Variants in TAOK1 observed in about 807,000 individuals in gnomAD.
The protein encoded by TAOK1 is TAO kinase 1.
Under a neutral mutation model 138.3 loss-of-function variants are expected in TAOK1, and 21 were observed. That is an observed-to-expected ratio of 0.15 (90% CI 0.11 to 0.22). The LOEUF is 0.22. Ranked by LOEUF, TAOK1 falls within the 10% of genes least tolerant of loss-of-function variation. TAOK1 has a pLI of 1.00. For synonymous variants in TAOK1, 361 were observed against 398.4 expected, an observed-to-expected ratio of 0.91 and a Z score of 1.12; for missense variants, 651 against 1,227.7, an observed-to-expected ratio of 0.53 and a Z score of 7.02.
intron 18 of TAOK1, among the ~76,000 whole-genome samples, chr17:29,532,062 G>A (rs1375117340): frequency 6.6e-6 from 1 of 151,922 alleles, no homozygotes; most frequent in Non-Finnish European, 1.5e-5. Flanking sequence ...GGGTTTCACC[G>A]TGTTAGCCAG....
intron 12 of TAOK1, among the ~76,000 whole-genome samples, chr17:29,498,868 G>A (rs2031461740): frequency 6.6e-6 from 1 of 151,976 alleles, no homozygotes; most frequent in Non-Finnish European, 1.5e-5. Flanking sequence ...GGAGGTTGCA[G>A]TGAGCCAAGA....
chr17:29,435,996 G>A (rs1160580180), intron 1 of TAOK1, among the ~76,000 whole-genome samples: 2 of 152,172 alleles, frequency 1.3e-5, no homozygotes, highest in East Asian at 3.8e-4. Context: ...TGGGCGTGGT[G>A]GCTGGTGCCT....
chr17:29,453,158 CTTTT>C (rs1273106911), intron 2 of TAOK1, among the ~76,000 whole-genome samples: 2 of 133,284 alleles, frequency 1.5e-5, no homozygotes, highest in Admixed American at 7.9e-5. Context: ...TTCTGGCTTA[CTTTT>C]TTTTTTTTTT....
intron 12 of TAOK1, among the ~76,000 whole-genome samples, chr17:29,500,755 C>A (rs918640829): frequency 1.1e-4 from 17 of 149,216 alleles, no homozygotes; most frequent in Non-Finnish European, 2.5e-4. Context: ...AAAAAAAAAA[C>A]TGTGGTTTTT....
intron 1 of TAOK1, among the ~76,000 whole-genome samples, chr17:29,409,333 A>AT (rs869195465): frequency 0.04 from 2,372 of 59,046 alleles, 91 homozygotes; most frequent in Non-Finnish European, 0.051. Context: ...ATATATATAT[A>AT]TTTTTTTTTT....
chr17:29,527,905 A>C (rs2032038523), intron 17 of TAOK1, among the ~76,000 whole-genome samples: 1 of 152,202 alleles, frequency 6.6e-6, no homozygotes, highest in African/African-American at 2.4e-5. Flanking sequence ...TTCTGTCTCT[A>C]AACTTAAATA....
intron 18 of TAOK1, among the ~76,000 whole-genome samples, chr17:29,532,456 C>G (rs966083002): frequency 2.7e-5 from 4 of 150,424 alleles, no homozygotes; most frequent in African/African-American, 9.8e-5. Context: ...AACAAGTGAA[C>G]AAAGGTCTCT....
chr17:29,482,163 A>G (rs773743631), intron 7 of TAOK1, 34 bp from the exon 8 acceptor site: 3 of 1,519,526 alleles, frequency 2.0e-6, no homozygotes, highest in East Asian at 2.3e-5. Context: ...CTTTTTAAAA[A>G]AAATCTTTAA....
chr17:29,473,113 G>A lies in TAOK1; in HGVS notation c.205-2557G>A, dbSNP rs756685833. 2.0e-5 allele frequency among the ~76,000 whole-genome samples: 3 copies of A among 152,186 alleles called. No individual in the cohort carries two copies. In the South Asian group the frequency reaches 6.2e-4, roughly 31 times the overall value. On this transcript the variant is annotated intron_variant, in intron 3 of 19. Coordinates refer to ENST00000261716, the MANE Select transcript of TAOK1 (RefSeq NM_020791.4). ...TTCACTAAACCATGCTTAAATGGATGTACTGTCATCCAGGCTTTGTTGTTT... is the reference window on the plus strand; with the variant it reads ...TTCACTAAACCATGCTTAAATGGATATACTGTCATCCAGGCTTTGTTGTTT...
rs774133125 is a variant in TAOK1, at chr17:29,502,676, C to T, written c.1291C>T (p.His431Tyr). The T allele has an allele frequency of 1.2e-6, 2 of 1,613,864 alleles. No homozygotes were observed. The highest frequency in any genetic ancestry group is 1.7e-6 in the Non-Finnish European group (2 of 1,179,958). Residue 431 changes from histidine (H) to tyrosine (Y), a missense_variant, in exon 13 of 20, where the codon CAC (histidine) becomes TAC (tyrosine). His to Tyr is a moderately conservative substitution (Grantham distance 83). Coordinates refer to ENST00000261716, the MANE Select transcript of TAOK1 (RefSeq NM_020791.4). Reference protein sequence around the residue: ...SPPQVSRHKSHYRNREHFATI... With the variant: ...SPPQVSRHKSYYRNREHFATI... ...ACCCCAAGTATCTCGTCACAAATCA[C>T]ACTATCGTAATCGAGAACACTTTGC...
intron 17 of TAOK1, among the ~76,000 whole-genome samples, chr17:29,528,171 T>A (rs1454003173): frequency 6.6e-6 from 1 of 152,130 alleles, no homozygotes; most frequent in African/African-American, 2.4e-5. Flanking sequence ...TGCCTCAGCC[T>A]CTTGAGTAGC....
In TAOK1 at chr17:29,545,099, A is replaced by G. The variant is rs2032380458; in HGVS notation, c.*2077A>G. On this transcript the variant is annotated 3_prime_UTR_variant, in exon 20 of 20. Coordinates refer to ENST00000261716, the MANE Select transcript of TAOK1 (RefSeq NM_020791.4). Reference sequence around the variant, plus strand: ...CACACAAAATTTTAGGCAGTGTTTCAAGAAGCACTCTTATGTGTTGTTCTT... The same window carrying G: ...CACACAAAATTTTAGGCAGTGTTTCGAGAAGCACTCTTATGTGTTGTTCTT... The G allele has an allele frequency of 1.3e-5, 2 of 152,208 alleles. No individual in the cohort carries two copies. The highest frequency in any genetic ancestry group is 4.8e-5 in the African/African-American group (2 of 41,460). 9.4% of individuals were successfully genotyped at this position (152,208 alleles called of 1,614,324 possible).
intron 1 of TAOK1, among the ~76,000 whole-genome samples, chr17:29,439,271 G>A (rs1266042825): frequency 6.8e-6 from 1 of 147,116 alleles, no homozygotes; most frequent in Non-Finnish European, 1.5e-5. Flanking sequence ...GGGGTGATCT[G>A]GGCTCACTGC....
rs1241513615 is a variant in TAOK1, at chr17:29,505,702, C to T, written c.1339-2194C>T. ...GGGGGACAAGAGCAAGACTTCGTCT[C>T]AAAAAATAAAAAAAAGAAATCAGGA... On this transcript the variant is annotated intron_variant, in intron 13 of 19. Coordinates refer to ENST00000261716, the MANE Select transcript of TAOK1 (RefSeq NM_020791.4). Among the ~76,000 whole-genome samples, 4 of 150,368 alleles carry T rather than the reference C, an allele frequency of 2.7e-5. No individual in the cohort carries two copies. In the East Asian group the frequency reaches 7.8e-4, roughly 29 times the overall value.
intron 15 of TAOK1, chr17:29,512,380 T>C (rs183647991): frequency 6.7e-6 from 1 of 149,986 alleles, no homozygotes; most frequent in East Asian, 2.0e-4. Context: ...TTTTTGTTTG[T>C]TTGGTTTGGT....
At chr17:29,445,161 A>G (rs1002977808) in intron 1 of TAOK1, 3 of 152,190 alleles carry the variant, frequency 2.0e-5, no homozygotes, top group Admixed American at 2.0e-4. Flanking sequence ...TTATATATTT[A>G]TGGGGTACAT....
chr17:29,422,854 G>T (rs535880626), intron 1 of TAOK1, among the ~76,000 whole-genome samples: 1 of 152,190 alleles, frequency 6.6e-6, no homozygotes, highest in South Asian at 2.1e-4. Flanking sequence ...TGAAACCCCC[G>T]TCTCTACTAA....
chr17:29,508,096 A>G lies in TAOK1; in HGVS notation c.1539A>G (p.Lys513=). The change falls in exon 14 of 20, where the codon AAA becomes AAG. Residue 513 remains lysine (K), a synonymous_variant. Coordinates refer to ENST00000261716, the MANE Select transcript of TAOK1 (RefSeq NM_020791.4). ...QRNNFAAEME[K]LIKKHQAAME... is the part of the protein sequence containing the mutation. ...ACAATTTTGCTGCAGAAATGGAGAAACTTATCAAGAAACACCAGGCTGCCA... is the reference window on the plus strand; with the variant it reads ...ACAATTTTGCTGCAGAAATGGAGAAGCTTATCAAGAAACACCAGGCTGCCA... 5 of 1,614,114 alleles carry G rather than the reference A, an allele frequency of 3.1e-6. No homozygotes were observed. The highest frequency in any genetic ancestry group is 4.2e-6 in the Non-Finnish European group (5 of 1,179,968).
intron 1 of TAOK1, among the ~76,000 whole-genome samples, chr17:29,397,649 T>C (rs1329832731): frequency 7.1e-6 from 1 of 141,322 alleles, no homozygotes; most frequent in Admixed American, 7.0e-5. Context: ...CATGTATATA[T>C]GTATATTCAT....
Sources: gnomAD v4.1 joint callset for allele counts (sites outside exome capture counted in the v4.1 genomes callset) on GRCh38, gnomAD v4.1.1 for gene constraint, MANE v1.5 for transcripts, NCBI Gene and HGNC (gene_info 2026-07-23, HGNC 2026-07-21) for gene names.